Variants in MDGA2 observed in about 807,000 individuals in gnomAD.
MDGA2 encodes the protein MAM domain-containing glycosylphosphatidylinositol anchor protein 2.
Under a neutral mutation model 117.8 loss-of-function variants are expected in MDGA2, and 40 were observed. The ratio of observed to expected loss-of-function variants is 0.34; its 90% confidence interval spans 0.26 to 0.44. The LOEUF (loss-of-function observed/expected upper bound fraction) is 0.44. MDGA2 is among the 20% of genes least tolerant of loss of function. MDGA2 has a pLI of 1.00. For missense variants in MDGA2, 1,123 were observed against 1,250.6 expected (o/e 0.90, Z 1.54); for synonymous variants, 452 against 439.0 (o/e 1.03, Z -0.37).
chr14:47,282,988 G>A (rs1308841508), intron 2 of MDGA2, among the ~76,000 whole-genome samples: 3 of 152,116 alleles, frequency 2.0e-5, no homozygotes, highest in African/African-American at 4.8e-5. Context: ...TAAATGGAAA[G>A]GCAGTGAAAA....
At chr14:47,468,820 T>C (rs965832981) in intron 1 of MDGA2, among the ~76,000 whole-genome samples, 6 of 152,262 alleles carry the variant, frequency 3.9e-5, no homozygotes, top group Middle Eastern at 3.4e-3. Context: ...TTTCATCTCA[T>C]TGCAAACTGT....
intron 10 of MDGA2, among the ~76,000 whole-genome samples, chr14:46,899,254 C>T (rs1196307489): frequency 6.6e-6 from 1 of 152,008 alleles, no homozygotes; most frequent in Non-Finnish European, 1.5e-5. Flanking sequence ...TTTCTCTCCT[C>T]CCCACCCTTT....
chr14:47,165,018 A>C (rs1301751254), intron 3 of MDGA2, among the ~76,000 whole-genome samples: 1 of 152,058 alleles, frequency 6.6e-6, no homozygotes, highest in African/African-American at 2.4e-5. Flanking sequence ...ACCAAACGCC[A>C]CATGTTCTCA....
chr14:47,104,985 T>G (rs1339485494), intron 5 of MDGA2, among the ~76,000 whole-genome samples: 1 of 152,154 alleles, frequency 6.6e-6, no homozygotes, highest in Non-Finnish European at 1.5e-5. Flanking sequence ...GTTTTATCTG[T>G]GAACCCAAAA....
At chr14:47,530,484 T>C (rs35473970) in intron 1 of MDGA2, among the ~76,000 whole-genome samples, 1 of 152,194 alleles carries the variant, frequency 6.6e-6, no homozygotes, top group Admixed American at 6.5e-5. Context: ...CTGTATACTG[T>C]ACTTCTGCAT....
At chr14:47,169,847 G>A (rs1438882619) in intron 3 of MDGA2, among the ~76,000 whole-genome samples, 1 of 151,866 alleles carries the variant, frequency 6.6e-6, no homozygotes, top group African/African-American at 2.4e-5. Flanking sequence ...GTTTTTAAAT[G>A]ATAATTTCCT....
At chr14:47,371,070 A>G (rs1891348065) in intron 1 of MDGA2, among the ~76,000 whole-genome samples, 1 of 152,032 alleles carries the variant, frequency 6.6e-6, no homozygotes, top group East Asian at 1.9e-4. Flanking sequence ...GAGTTCTATA[A>G]GATAATAATA....
chr14:46,963,203 G>T (rs998730171), intron 8 of MDGA2, among the ~76,000 whole-genome samples: 4 of 152,100 alleles, frequency 2.6e-5, no homozygotes, highest in Non-Finnish European at 4.4e-5. Context: ...TATTTATGAT[G>T]ATTCTACCTT....
intron 2 of MDGA2, among the ~76,000 whole-genome samples, chr14:47,237,055 C>T (rs1886887079): frequency 6.6e-6 from 1 of 152,002 alleles, no homozygotes; most frequent in Non-Finnish European, 1.5e-5. Context: ...ATTGCCTCCC[C>T]AAAAGTAGAG....
At chr14:46,987,623 A>G (rs879679514) in intron 8 of MDGA2, among the ~76,000 whole-genome samples, 5 of 152,060 alleles carry the variant, frequency 3.3e-5, no homozygotes, top group Non-Finnish European at 7.4e-5. Context: ...ACACTCCTGT[A>G]TCTCACCGTT....
chr14:47,362,662 C>T (rs1891150123), intron 1 of MDGA2, among the ~76,000 whole-genome samples: 1 of 151,994 alleles, frequency 6.6e-6, no homozygotes, highest in East Asian at 1.9e-4. Flanking sequence ...TCTATGTTTT[C>T]CCAATCATTT....
intron 3 of MDGA2, among the ~76,000 whole-genome samples, chr14:47,164,316 G>C (rs926041092): frequency 6.6e-6 from 1 of 152,114 alleles, no homozygotes; most frequent in Non-Finnish European, 1.5e-5. Context: ...CACAAGAACA[G>C]TCCCATTTCT....
intron 8 of MDGA2, among the ~76,000 whole-genome samples, chr14:46,972,063 T>C (rs996811253): frequency 6.6e-6 from 1 of 152,124 alleles, no homozygotes; most frequent in Non-Finnish European, 1.5e-5. Flanking sequence ...GGGGTTATCA[T>C]GGGAACCTCA....
chr14:47,307,486 G>C (rs1218164396), intron 1 of MDGA2, among the ~76,000 whole-genome samples: 1 of 152,112 alleles, frequency 6.6e-6, no homozygotes, highest in Non-Finnish European at 1.5e-5. Flanking sequence ...TTTGAGACCA[G>C]CCTGGCTAAC....
chr14:46,881,831 A>C (rs1396691263), intron 11 of MDGA2, among the ~76,000 whole-genome samples: 1 of 152,036 alleles, frequency 6.6e-6, no homozygotes, highest in Non-Finnish European at 1.5e-5. Flanking sequence ...CAATTAACTA[A>C]ATTATTCTAT....
intron 1 of MDGA2, among the ~76,000 whole-genome samples, chr14:47,574,571 G>C (rs1896081678): frequency 6.6e-6 from 1 of 152,042 alleles, no homozygotes; most frequent in Non-Finnish European, 1.5e-5. Flanking sequence ...CAGGTCAATT[G>C]TAATATCTGA....
At chr14:47,144,985 T>C (rs1446061009) in intron 3 of MDGA2, among the ~76,000 whole-genome samples, 2 of 151,754 alleles carry the variant, frequency 1.3e-5, no homozygotes, top group African/African-American at 4.8e-5. Flanking sequence ...CAATTATTTA[T>C]AACTTATATA....
intron 1 of MDGA2, among the ~76,000 whole-genome samples, chr14:47,609,465 A>ACATATATATATATATATATATACAT (rs1555336021): frequency 9.3e-6 from 1 of 107,374 alleles, no homozygotes. Flanking sequence ...ATATATATAT[A>ACATATATATATATATATATATACAT]AGTTTCTTTA....
At chr14:46,961,663 G>A (rs556517416) in intron 8 of MDGA2, among the ~76,000 whole-genome samples, 2 of 144,316 alleles carry the variant, frequency 1.4e-5, no homozygotes, top group East Asian at 4.0e-4. Context: ...TTTTTTTTGA[G>A]ATGGAGTCTC....
Sources: allele counts gnomAD v4.1 joint callset (sites outside exome capture counted in the v4.1 genomes callset), GRCh38; gene constraint gnomAD v4.1.1; transcripts MANE v1.5; gene names NCBI Gene and HGNC (gene_info 2026-07-23, HGNC 2026-07-21).